The following COL21A1 variants were observed in gnomAD, a reference collection of about 807,000 sequenced individuals.
The protein encoded by COL21A1 is collagen type XXI alpha 1 chain.
Under a neutral mutation model 137.9 loss-of-function variants are expected in COL21A1, and 149 were observed. The observed-to-expected ratio is 1.08, with a 90% CI of 0.95 to 1.24. COL21A1 has a LOEUF of 1.24. Among genes scored for constraint, COL21A1 ranks in the 50% most tolerant of loss-of-function variants. The pLI is 0.00. For synonymous variants in COL21A1, 456 were observed against 391.5 expected (o/e 1.16, Z -1.95); for missense variants, 1,167 against 1,158.4 (o/e 1.01, Z -0.11).
At chr6:56,302,151 C>T (rs1764312932) in intron 1 of COL21A1, among the ~76,000 whole-genome samples, 1 of 151,532 alleles carries the variant, frequency 6.6e-6, no homozygotes, top group Admixed American at 6.6e-5. Context: ...GGGTTGGTTC[C>T]AAGTCTTTGC....
chr6:56,294,349 C>T (rs919686738), intron 1 of COL21A1, among the ~76,000 whole-genome samples: 1 of 151,956 alleles, frequency 6.6e-6, no homozygotes, highest in African/African-American at 2.4e-5. Flanking sequence ...TAATGTTCTA[C>T]GGTGCATATA....
intron 20 of COL21A1, 42 bp downstream of exon 20, chr6:56,074,190 A>T (rs1021872624): frequency 6.9e-7 from 1 of 1,441,074 alleles, no homozygotes; most frequent in Non-Finnish European, 9.4e-7. Flanking sequence ...GGCCACTGTG[A>T]TTATACAAAG....
chr6:56,168,412 TGACTG>T, intron 5 of COL21A1, 115 bp from the exon 6 acceptor site: 2 of 790,788 alleles, frequency 2.5e-6, no homozygotes, highest in South Asian at 6.5e-5. Flanking sequence ...CCACACAGAC[TGACTG>T]TATTATACAT....
intron 1 of COL21A1, among the ~76,000 whole-genome samples, chr6:56,326,450 G>A (rs1765092345): frequency 6.6e-6 from 1 of 151,796 alleles, no homozygotes; most frequent in South Asian, 2.1e-4. Context: ...TGCAACATGG[G>A]CTGTAGCATA....
At chr6:56,262,261 C>T (rs75437934) in intron 1 of COL21A1, among the ~76,000 whole-genome samples, 1 of 152,210 alleles carries the variant, frequency 6.6e-6, no homozygotes, top group East Asian at 1.9e-4. Flanking sequence ...TTAAATAATC[C>T]TTCTTCTCTC....
chr6:56,090,239 GA>G (rs1183748244), intron 17 of COL21A1, among the ~76,000 whole-genome samples: 2 of 151,828 alleles, frequency 1.3e-5, no homozygotes, highest in African/African-American at 4.8e-5. Flanking sequence ...CTCCATCGAA[GA>G]AAAAAAGATT....
intron 9 of COL21A1, among the ~76,000 whole-genome samples, chr6:56,158,266 C>CTTTTTTTTTTTTTTTTTTTT (rs67453245): frequency 1.1e-4 from 7 of 62,406 alleles, no homozygotes; most frequent in Non-Finnish European, 1.7e-4. Flanking sequence ...TTTTTTTTTT[C>CTTTTTTTTTTTTTTTTTTTT]TTTTTTTTTT....
At chr6:56,184,531 G>C (rs973893067) in intron 1 of COL21A1, among the ~76,000 whole-genome samples, 1 of 152,164 alleles carries the variant, frequency 6.6e-6, no homozygotes, top group African/African-American at 2.4e-5. Context: ...AAAATTAGTA[G>C]TGGAACAGAA....
chr6:56,179,960 CA>C lies in COL21A1; in HGVS notation c.257del (p.Val86GlyfsTer15). ...CATAGCTTCCGAGAGGAATCTCCAG[CA>C]CAGGGTAGTCACTATATTGAACCAC... ...VGVVQYSDYP[V>X]LEIPLGSYDS... On this transcript the variant is annotated frameshift_variant, in exon 3 of 30. Transcript: ENST00000244728. LOFTEE classifies it high-confidence loss of function. 1 of 1,613,896 alleles carries C rather than the reference CA, an allele frequency of 6.2e-7. No homozygotes were observed. Among genetic ancestry groups the C allele is most frequent in the Non-Finnish European group, 8.5e-7 (1 of 1,179,844 alleles).
At chr6:56,299,754 T>C (rs757196394) in intron 1 of COL21A1, among the ~76,000 whole-genome samples, 28 of 152,034 alleles carry the variant, frequency 1.8e-4, no homozygotes, top group Non-Finnish European at 3.2e-4. Flanking sequence ...CCTCAGAATA[T>C]TCCCTAATCC....
intron 1 of COL21A1, among the ~76,000 whole-genome samples, chr6:56,375,152 A>C (rs2093996866): frequency 6.6e-6 from 1 of 152,228 alleles, no homozygotes; most frequent in Non-Finnish European, 1.5e-5. Flanking sequence ...AGAATGTTAG[A>C]GACCGAGAAA....
At chr6:56,070,573 A>T (rs1201498241) in intron 21 of COL21A1, among the ~76,000 whole-genome samples, 172 bp downstream of exon 21, 2 of 151,618 alleles carry the variant, frequency 1.3e-5, no homozygotes, top group African/African-American at 2.4e-5. Flanking sequence ...TATCTAAAAA[A>T]CAGAAATGAA....
At chr6:56,316,308 G>C (rs1435776930) in intron 1 of COL21A1, among the ~76,000 whole-genome samples, 1 of 151,800 alleles carries the variant, frequency 6.6e-6, no homozygotes, top group East Asian at 1.9e-4. Context: ...CAGATCTCTT[G>C]CTTGAACTTA....
chr6:56,113,481 C>T (rs542746134), intron 16 of COL21A1, among the ~76,000 whole-genome samples: 1 of 152,254 alleles, frequency 6.6e-6, no homozygotes, highest in African/African-American at 2.4e-5. Context: ...AAACCCACTG[C>T]CTTGAAGGAA....
intron 12 of COL21A1, among the ~76,000 whole-genome samples, chr6:56,131,099 A>G (rs1773522694): frequency 6.6e-6 from 1 of 151,336 alleles, no homozygotes; most frequent in African/African-American, 2.5e-5. Context: ...CAACAATATT[A>G]AAATGTATAT....
At chr6:56,360,386 T>C (rs1765938774) in intron 1 of COL21A1, among the ~76,000 whole-genome samples, 2 of 152,134 alleles carry the variant, frequency 1.3e-5, no homozygotes, top group South Asian at 2.1e-4. Context: ...GCAAACCCGA[T>C]GAAAGACATG....
chr6:56,233,281 G>A (rs1781697506), intron 1 of COL21A1, among the ~76,000 whole-genome samples: 3 of 151,634 alleles, frequency 2.0e-5, no homozygotes, highest in South Asian at 2.1e-4. Flanking sequence ...TTGCAAACAC[G>A]AAAATAGGCA....
chr6:56,140,571 CAG>C (rs1280224870), intron 12 of COL21A1, among the ~76,000 whole-genome samples: 4 of 152,148 alleles, frequency 2.6e-5, no homozygotes, highest in Non-Finnish European at 5.9e-5. Context: ...AAAGTCATCT[CAG>C]GGGTATGTTC....
rs78146223 is a variant in COL21A1, at chr6:56,336,462, A to G, written c.-39+57509T>C. 5.9e-4 allele frequency among the ~76,000 whole-genome samples: 90 copies of G among 152,334 alleles called. 1 individual carries two copies. In the East Asian group the frequency reaches 0.014, roughly 24 times the overall value. ...ACTAAATATGGTAGAACAAAAACAG[A>G]TTATAAGAAAATATTCTGATATTAA... On this transcript the variant is annotated intron_variant, in intron 1 of 28. Transcript: ENST00000370819.
Sources: allele counts gnomAD v4.1 joint callset (sites outside exome capture counted in the v4.1 genomes callset), GRCh38; gene constraint gnomAD v4.1.1; transcripts MANE v1.5; gene names NCBI Gene and HGNC (gene_info 2026-07-23, HGNC 2026-07-21).